The following SCHIP1 variants were observed in gnomAD, a reference collection of about 807,000 sequenced individuals.
The protein encoded by SCHIP1 is schwannomin interacting protein 1.
SCHIP1 carries 8 observed loss-of-function variants against 29.7 expected under a neutral mutation model. That is an observed-to-expected ratio of 0.27 (90% confidence interval 0.16 to 0.49). The LOEUF is 0.49. Ranked by LOEUF, SCHIP1 falls within the 20% of genes least tolerant of loss-of-function variation. The pLI is 0.99. For missense variants in SCHIP1, 193 were observed against 294.6 expected (o/e 0.66, Z 2.52); for synonymous variants, 76 against 94.9 (o/e 0.80, Z 1.16).
the SCHIP1 span, among the ~76,000 whole-genome samples, chr3:159,380,141 T>C: frequency 6.6e-6 from 1 of 152,242 alleles, no homozygotes; most frequent in African/African-American, 2.4e-5. Flanking sequence ...TGTCCAAAAG[T>C]TCCTGGAAAT....
the SCHIP1 span, among the ~76,000 whole-genome samples, chr3:159,551,532 T>G: frequency 7.6e-4 from 116 of 152,304 alleles, no homozygotes; most frequent in African/African-American, 2.7e-3. Flanking sequence ...AATCAATATC[T>G]ATAAAATTGT....
chr3:159,884,867 G>C (rs1466905497), intron 2 of SCHIP1, among the ~76,000 whole-genome samples: 2 of 152,156 alleles, frequency 1.3e-5, no homozygotes, highest in Non-Finnish European at 2.9e-5. Context: ...TCTGGGCCTG[G>C]CTCCCCCTTG....
At chr3:159,852,457 C>A (rs1479249949) in intron 1 of SCHIP1, among the ~76,000 whole-genome samples, 1 of 152,168 alleles carries the variant, frequency 6.6e-6, no homozygotes, top group African/African-American at 2.4e-5. Flanking sequence ...ATGTGCACTT[C>A]TGCTTGTCTG....
chr3:159,446,191 T>A, the SCHIP1 span, among the ~76,000 whole-genome samples: 4 of 152,008 alleles, frequency 2.6e-5, no homozygotes, highest in Non-Finnish European at 5.9e-5. Context: ...TAACTTTTTT[T>A]ATTTTCTGCA....
the SCHIP1 span, among the ~76,000 whole-genome samples, chr3:159,443,588 A>G: frequency 2.0e-5 from 3 of 152,018 alleles, no homozygotes; most frequent in East Asian, 3.9e-4. Flanking sequence ...GGCTTACTGC[A>G]ACCTCTGCCT....
the SCHIP1 span, among the ~76,000 whole-genome samples, chr3:159,736,583 C>T: frequency 2.0e-5 from 3 of 152,176 alleles, no homozygotes; most frequent in African/African-American, 2.4e-5. Context: ...CAGCTTCTTG[C>T]CTTCATTCAA....
At chr3:159,816,983 G>A in the SCHIP1 span, among the ~76,000 whole-genome samples, 2 of 151,968 alleles carry the variant, frequency 1.3e-5, no homozygotes, top group East Asian at 3.8e-4. Context: ...TATATATATT[G>A]TGCTATAAAT....
the SCHIP1 span, among the ~76,000 whole-genome samples, chr3:159,587,519 T>C: frequency 1.3e-5 from 2 of 152,224 alleles, no homozygotes; most frequent in African/African-American, 4.8e-5. Flanking sequence ...GTGCACAACG[T>C]GCAGGTTTGT....
chr3:159,588,185 A>G, the SCHIP1 span, among the ~76,000 whole-genome samples: 3 of 152,130 alleles, frequency 2.0e-5, no homozygotes, highest in African/African-American at 4.8e-5. Context: ...ATGGTATCTC[A>G]TTGTGATTTT....
the SCHIP1 span, among the ~76,000 whole-genome samples, chr3:159,288,123 T>C: frequency 6.6e-6 from 1 of 152,160 alleles, no homozygotes; most frequent in African/African-American, 2.4e-5. Flanking sequence ...TGTAGAATCA[T>C]GTCATACGAG....
chr3:159,593,211 C>A, the SCHIP1 span, among the ~76,000 whole-genome samples: 1 of 152,096 alleles, frequency 6.6e-6, no homozygotes, highest in Non-Finnish European at 1.5e-5. Flanking sequence ...TTAGAGAAAA[C>A]AAATTCAATA....
chr3:159,510,551 T>A, the SCHIP1 span, among the ~76,000 whole-genome samples: 1 of 152,236 alleles, frequency 6.6e-6, no homozygotes, highest in Non-Finnish European at 1.5e-5. Context: ...GCTCTGATTT[T>A]TAGAGTTTCC....
chr3:159,449,586 T>C, the SCHIP1 span, among the ~76,000 whole-genome samples: 1 of 152,166 alleles, frequency 6.6e-6, no homozygotes, highest in African/African-American at 2.4e-5. Flanking sequence ...AGAAAAGGCC[T>C]TATATATGCC....
chr3:159,538,317 G>T, the SCHIP1 span, among the ~76,000 whole-genome samples: 1 of 152,094 alleles, frequency 6.6e-6, no homozygotes, highest in African/African-American at 2.4e-5. Context: ...TATGGTTTTT[G>T]TCCACTTGTG....
the SCHIP1 span, among the ~76,000 whole-genome samples, chr3:159,769,382 T>C: frequency 6.6e-6 from 1 of 152,230 alleles, no homozygotes; most frequent in South Asian, 2.1e-4. Flanking sequence ...CTGTCCTTCA[T>C]GGGACGTGTT....
intron 4 of SCHIP1, 199 bp from the exon 6 acceptor site, chr3:159,888,621 G>A: frequency 1.7e-6 from 1 of 583,718 alleles, no homozygotes. Flanking sequence ...GTAGTGTTGT[G>A]TTTTGATGCC....
At chr3:159,281,263 T>G in the SCHIP1 span, among the ~76,000 whole-genome samples, 1 of 152,228 alleles carries the variant, frequency 6.6e-6, no homozygotes, top group Non-Finnish European at 1.5e-5. Context: ...CAGGAAGACC[T>G]GCTAGAATCT....
the SCHIP1 span, among the ~76,000 whole-genome samples, chr3:159,630,430 C>T: frequency 0.039 from 5,938 of 152,160 alleles, 367 homozygotes; most frequent in African/African-American, 0.13. Flanking sequence ...CCCAAATGCC[C>T]ATCAACCAAC....
At chr3:159,734,468 A>G in the SCHIP1 span, among the ~76,000 whole-genome samples, 1 of 152,028 alleles carries the variant, frequency 6.6e-6, no homozygotes, top group East Asian at 1.9e-4. Context: ...AAGATAAGTC[A>G]AGGTATTTCC....
Sources: allele counts gnomAD v4.1 joint callset (sites outside exome capture counted in the v4.1 genomes callset), GRCh38; gene constraint gnomAD v4.1.1; transcripts MANE v1.5; gene names NCBI Gene and HGNC (gene_info 2026-07-23, HGNC 2026-07-21).